The following TMC1 variants were observed in gnomAD, a reference collection of about 807,000 sequenced individuals.
The protein encoded by TMC1 is transmembrane channel-like protein 1.
Under a neutral mutation model 105.8 loss-of-function variants are expected in TMC1, and 84 were observed. That is an observed-to-expected ratio of 0.79 (90% CI 0.67 to 0.95). The LOEUF (loss-of-function observed/expected upper bound fraction) is 0.95. Ranked by LOEUF, TMC1 falls within the 40% of genes least tolerant of loss-of-function variation. The pLI is 0.00. For synonymous variants in TMC1, 315 were observed against 311.5 expected (o/e 1.01, Z -0.12); for missense variants, 817 against 914.1 (o/e 0.89, Z 1.37).
At chr9:72,726,785 A>C (rs1328356917) in intron 8 of TMC1, among the ~76,000 whole-genome samples, 1 of 152,228 alleles carries the variant, frequency 6.6e-6, no homozygotes, top group Non-Finnish European at 1.5e-5. Context: ...ATCACTATAC[A>C]ACATTTTGAA....
At position 72,794,357 on chromosome 9, in the gene TMC1, G is replaced by A. The variant is rs187553152; in HGVS notation, c.1566+2005G>A. On this transcript the variant is annotated intron_variant, in intron 17 of 23. Transcript: ENST00000297784. The stretch of plus-strand genomic sequence containing the variant: ...TAATCTACAGCCAGCTCTCAAGGGG[G>A]AAAGAAATCTACACTTTCAGAGCAT... Among the ~76,000 whole-genome samples the A allele has an allele frequency of 2.4e-3, 366 of 150,656 alleles. 2 individuals are homozygous for A. Among genetic ancestry groups the A allele is most frequent in the African/African-American group, 8.5e-3 (347 of 40,960 alleles).
chr9:72,744,224 T>TA (rs1253780257), intron 10 of TMC1, among the ~76,000 whole-genome samples: 8 of 152,004 alleles, frequency 5.3e-5, no homozygotes. Flanking sequence ...CCTTAACACT[T>TA]ACCGCTATCT....
intron 21 of TMC1, 30 bp downstream of exon 21, chr9:72,827,024 C>G: frequency 6.2e-7 from 1 of 1,613,488 alleles, no homozygotes; most frequent in Non-Finnish European, 8.5e-7. Context: ...ATAGAAAGAG[C>G]CTCTGTGATG....
chr9:72,529,765 G>T (rs1343769345), intron 1 of TMC1, among the ~76,000 whole-genome samples: 2 of 151,874 alleles, frequency 1.3e-5, no homozygotes. Context: ...TATCCTTTGA[G>T]AATGTGGTCT....
chr9:72,806,520 C>A (rs1398849279), intron 18 of TMC1, among the ~76,000 whole-genome samples: 2 of 149,044 alleles, frequency 1.3e-5, no homozygotes, highest in South Asian at 4.3e-4. Flanking sequence ...GGCTGCCGGG[C>A]GGAGGGGCTC....
intron 16 of TMC1, 61 bp from the exon 17 acceptor site, chr9:72,792,130 C>T (rs1263040513): frequency 8.1e-6 from 13 of 1,613,160 alleles, no homozygotes; most frequent in Middle Eastern, 1.6e-4. Context: ...CTCAAGTTTG[C>T]CAGAAATGCC....
At chr9:72,545,201 TA>T (rs1823746977) in intron 1 of TMC1, among the ~76,000 whole-genome samples, 1 of 136,676 alleles carries the variant, frequency 7.3e-6, no homozygotes, top group African/African-American at 2.9e-5. Flanking sequence ...TATATACACA[TA>T]TATATATATG....
rs1663743 is a variant in TMC1 at position 72,693,347 on chromosome 9, C to G, written c.65-1196C>G. ...AGATGCTATAATCAGTTCAAAGGAACGTCCAAAGAATAGATACATTTATAG... is the reference window on the plus strand; with the variant it reads ...AGATGCTATAATCAGTTCAAAGGAAGGTCCAAAGAATAGATACATTTATAG... On this transcript the variant is annotated intron_variant, in intron 6 of 23. Coordinates refer to ENST00000297784, the MANE Select transcript of TMC1 (RefSeq NM_138691.3). Among the ~76,000 whole-genome samples, 8 of 151,986 alleles carry G rather than the reference C, an allele frequency of 5.3e-5. No homozygotes were observed. The South Asian group carries it at 1.5e-3, about 28-fold the overall frequency.
chr9:72,543,089 T>A (rs1823705619), intron 1 of TMC1, among the ~76,000 whole-genome samples: 1 of 152,214 alleles, frequency 6.6e-6, no homozygotes, highest in African/African-American at 2.4e-5. Context: ...ACATTTTATC[T>A]TTATGTTTAC....
chr9:72,733,714 T>A (rs1327496190), intron 8 of TMC1, among the ~76,000 whole-genome samples: 1 of 152,148 alleles, frequency 6.6e-6, no homozygotes, highest in Non-Finnish European at 1.5e-5. Flanking sequence ...AACTAACCAC[T>A]TATCACACAC....
chr9:72,611,026 A>G (rs1825015934), intron 2 of TMC1, among the ~76,000 whole-genome samples: 1 of 152,232 alleles, frequency 6.6e-6, no homozygotes, highest in Non-Finnish European at 1.5e-5. Context: ...GGGTAAATGG[A>G]AATACTAAGA....
chr9:72,748,282 G>A (rs1827526216), intron 10 of TMC1, among the ~76,000 whole-genome samples: 1 of 151,948 alleles, frequency 6.6e-6, no homozygotes, highest in East Asian at 1.9e-4. Flanking sequence ...CATTTCGTAG[G>A]GATTTGATGA....
At chr9:72,804,955 A>C (rs35116868) in intron 17 of TMC1, among the ~76,000 whole-genome samples, 10,223 of 152,244 alleles carry the variant, frequency 0.067, 398 homozygotes, top group African/African-American at 0.1. Flanking sequence ...TTGGATTGCC[A>C]ATCTATATTC....
intron 5 of TMC1, among the ~76,000 whole-genome samples, chr9:72,674,871 A>T (rs187845335): frequency 1.3e-5 from 2 of 152,336 alleles, no homozygotes; most frequent in East Asian, 3.9e-4. Flanking sequence ...GGCTGAGCTG[A>T]TGAATAAAAA....
At chr9:72,677,617 G>C (rs1224369905) in intron 5 of TMC1, among the ~76,000 whole-genome samples, 1 of 152,164 alleles carries the variant, frequency 6.6e-6, no homozygotes, top group Admixed American at 6.5e-5. Context: ...AATGACAAGA[G>C]ATGAGATTAT....
chr9:72,740,230 C>T (rs371038240), intron 9 of TMC1, 21 bp downstream of exon 9: 1 of 1,603,516 alleles, frequency 6.2e-7, no homozygotes, highest in African/African-American at 1.3e-5. Flanking sequence ...TTATAGTTGT[C>T]TGGTTTATGG....
intron 13 of TMC1, 30 bp downstream of exon 13, chr9:72,772,585 A>G: frequency 6.2e-7 from 1 of 1,613,464 alleles, no homozygotes; most frequent in East Asian, 2.2e-5. Flanking sequence ...TGGGAAGCAA[A>G]TAATGATTTC....
At chr9:72,696,028 A>G (rs960552284) in intron 7 of TMC1, among the ~76,000 whole-genome samples, 55 of 152,336 alleles carry the variant, frequency 3.6e-4, no homozygotes, top group Admixed American at 3.5e-3. Flanking sequence ...ATGCTTTCCA[A>G]CAGTGGTATT....
intron 18 of TMC1, among the ~76,000 whole-genome samples, chr9:72,813,308 C>A (rs1195970953): frequency 6.6e-6 from 1 of 152,056 alleles, no homozygotes; most frequent in African/African-American, 2.4e-5. Flanking sequence ...ACCTCTAAAA[C>A]AATGAGCACT....
Sources: allele counts gnomAD v4.1 joint callset (sites outside exome capture counted in the v4.1 genomes callset), GRCh38; gene constraint gnomAD v4.1.1; transcripts MANE v1.5; gene names NCBI Gene and HGNC (gene_info 2026-07-23, HGNC 2026-07-21).